SENP5: variants seen among roughly 807,000 people sequenced by gnomAD.
SENP5 encodes the protein sentrin-specific protease 5.
Under a neutral mutation model 74.2 loss-of-function variants are expected in SENP5, and 21 were observed. The ratio of observed to expected loss-of-function variants is 0.28; its 90% CI spans 0.20 to 0.41. The LOEUF is 0.41. SENP5 is among the 10% of genes least tolerant of loss of function. The pLI is 1.00. For synonymous variants in SENP5, 311 were observed against 312.7 expected (o/e 0.99, Z 0.06); for missense variants, 717 against 889.1 (o/e 0.81, Z 2.46).
At chr3:196,913,705 AG>A (rs1344504170) in intron 6 of SENP5, among the ~76,000 whole-genome samples, 1 of 122,908 alleles carries the variant, frequency 8.1e-6, no homozygotes, top group Non-Finnish European at 1.6e-5. Flanking sequence ...GCTGGAGTGC[AG>A]TGGCACAATC....
chr3:196,921,522 A>T (rs866850240), intron 6 of SENP5, among the ~76,000 whole-genome samples: 79 of 152,206 alleles, frequency 5.2e-4, no homozygotes, highest in African/African-American at 1.4e-3. Context: ...TCTGTTTTAC[A>T]ATGTAGAAAA....
chr3:196,884,440 C>T (rs757350441), intron 1 of SENP5, among the ~76,000 whole-genome samples: 2 of 152,138 alleles, frequency 1.3e-5, no homozygotes, highest in Non-Finnish European at 2.9e-5. Context: ...CTAATATTAG[C>T]GAAGGCTCTT....
At position 196,932,141 on chromosome 3, in the gene SENP5, T is replaced by C. The variant is rs575237491; in HGVS notation, c.*1218T>C. ...CCCTTGTCCATACACTTAGCTGCAT[T>C]AGGATGAATATCACGCGTCTCACAT... On this transcript the variant is annotated 3_prime_UTR_variant, in exon 10 of 10. Transcript: ENST00000323460. 1.4e-4 allele frequency: 28 copies of C among 200,968 alleles called. No homozygotes were observed. Among genetic ancestry groups the C allele is most frequent in the African/African-American group, 5.9e-4 (25 of 42,064 alleles). The allele number at this position is 200,968 out of a possible 1,614,324, so 12.4% of individuals were successfully genotyped here. A position where few individuals can be genotyped will look rare whatever the true frequency, so the allele number is the denominator to read the frequency against.
chr3:196,888,861 T>C (rs1213845197), intron 2 of SENP5, among the ~76,000 whole-genome samples: 3 of 151,668 alleles, frequency 2.0e-5, no homozygotes, highest in Non-Finnish European at 2.9e-5. Flanking sequence ...TCATGCCTGT[T>C]ATCCCAGCAC....
At chr3:196,914,600 T>A (rs543736162) in intron 6 of SENP5, 36 of 105,434 alleles carry the variant, frequency 3.4e-4, no homozygotes, top group South Asian at 1.1e-3. Context: ...TATATATATA[T>A]ATATATATAT....
intron 6 of SENP5, chr3:196,914,564 TAAAAAAAAAAA>T (rs34724979): frequency 2.7e-4 from 7 of 26,340 alleles, no homozygotes; most frequent in African/African-American, 1.0e-3. Flanking sequence ...AGGTTTGCTT[TAAAAAAAAAAA>T]AAAAAAAAAA....
chr3:196,926,514 C>T (rs1715819134), intron 7 of SENP5, among the ~76,000 whole-genome samples: 1 of 151,296 alleles, frequency 6.6e-6, no homozygotes, highest in Admixed American at 6.6e-5. Context: ...ATATATACTG[C>T]TTATTCTGAG....
chr3:196,868,343 G>C (rs1282663178), intron 1 of SENP5, among the ~76,000 whole-genome samples: 1 of 152,236 alleles, frequency 6.6e-6, no homozygotes, highest in African/African-American at 2.4e-5. Flanking sequence ...GCGCCCCCCA[G>C]CTCCTCCTGA....
intron 1 of SENP5, among the ~76,000 whole-genome samples, chr3:196,884,502 A>G (rs150780249): frequency 5.8e-4 from 89 of 152,310 alleles, no homozygotes; most frequent in African/African-American, 2.0e-3. Context: ...AAGAAAGACT[A>G]TGAAACAGAA....
intron 3 of SENP5, 45 bp downstream of exon 3, chr3:196,899,816 T>G (rs1343334486): frequency 1.3e-6 from 2 of 1,554,104 alleles, no homozygotes; most frequent in Non-Finnish European, 1.8e-6. Flanking sequence ...ATAAAATTTT[T>G]GGCATATATG....
chr3:196,910,712 A>T (rs2108848057), intron 6 of SENP5, among the ~76,000 whole-genome samples: 1 of 152,240 alleles, frequency 6.6e-6, no homozygotes, highest in South Asian at 2.1e-4. Flanking sequence ...TCACAGAATT[A>T]GAAAAAACTA....
intron 1 of SENP5, among the ~76,000 whole-genome samples, chr3:196,872,559 C>T (rs1713263196): frequency 6.6e-6 from 1 of 152,084 alleles, no homozygotes; most frequent in Non-Finnish European, 1.5e-5. Context: ...TCAACTGGAC[C>T]AGTTGAAAAG....
At chr3:196,868,508 G>A (rs1713039409) in intron 1 of SENP5, among the ~76,000 whole-genome samples, 1 of 152,236 alleles carries the variant, frequency 6.6e-6, no homozygotes, top group Non-Finnish European at 1.5e-5. Context: ...CAGAGAGCCC[G>A]GTTGGGCATG....
At chr3:196,889,921 C>A (rs905159490) in intron 2 of SENP5, among the ~76,000 whole-genome samples, 2 of 152,168 alleles carry the variant, frequency 1.3e-5, no homozygotes, top group Non-Finnish European at 2.9e-5. Context: ...GAATCTCTCC[C>A]TGCCTGTGCC....
At chr3:196,918,229 C>T (rs1307726480) in intron 6 of SENP5, among the ~76,000 whole-genome samples, 6 of 151,540 alleles carry the variant, frequency 4.0e-5, no homozygotes, top group East Asian at 1.9e-4. Context: ...ATGGCGTGAA[C>T]CTGGGAGGCG....
At position 196,886,163 on chromosome 3, in the gene SENP5, A is replaced by G. The variant is rs1054485211; in HGVS notation, c.982A>G (p.Thr328Ala). The G allele has an allele frequency of 6.2e-7, 1 of 1,614,240 alleles. No homozygotes were observed. The stretch of plus-strand genomic sequence containing the variant: ...GAACTCTCATGTGCCTGATTGCCAC[A>G]CTAAAGGAAGCTCTTTCTTGGGCAA... Reference protein sequence around the residue: ...GTNSHVPDCHTKGSSFLGKEL... With the variant: ...GTNSHVPDCHAKGSSFLGKEL... Residue 328 changes from threonine (T) to alanine (A), a missense_variant, in exon 2 of 10, where the codon ACT (threonine) becomes GCT (alanine). Physicochemically the swap from Thr to Ala is moderately conservative, Grantham distance 58 (BLOSUM62 0). Around this residue, in one of 4 missense-constraint regions of SENP5, gnomAD observed 567 missense variants for 577.4 expected, o/e 0.98. Coordinates refer to ENST00000323460, the MANE Select transcript of SENP5 (RefSeq NM_152699.5).
chr3:196,903,580 A>T lies in SENP5; in HGVS notation c.1854A>T (p.Gly618=). 2 of 1,606,416 alleles carry T rather than the reference A, an allele frequency of 1.2e-6. No individual in the cohort carries two copies. Among genetic ancestry groups the T allele is most frequent in the East Asian group, 4.5e-5 (2 of 44,834 alleles). Residue 618 remains glycine, a synonymous_variant, in exon 6 of 10, where the codon GGA becomes GGT. Transcript: ENST00000323460. The part of the protein sequence containing the change: ...SFFHRQLVTK[G]YNGVKRWTKK... Reference sequence around the variant, plus strand: ...TTCATAGACAGCTGGTAACCAAAGGATATAATGGAGTAAAAAGATGGACTA... The same window carrying T: ...TTCATAGACAGCTGGTAACCAAAGGTTATAATGGAGTAAAAAGATGGACTA...
chr3:196,883,967 C>T (rs1480701371), intron 1 of SENP5, among the ~76,000 whole-genome samples: 2 of 152,196 alleles, frequency 1.3e-5, no homozygotes, highest in Non-Finnish European at 2.9e-5. Context: ...GCTGGGATTA[C>T]AGGCATGGGC....
At chr3:196,879,604 T>G (rs2108810497) in intron 1 of SENP5, among the ~76,000 whole-genome samples, 1 of 152,344 alleles carries the variant, frequency 6.6e-6, no homozygotes, top group Admixed American at 6.5e-5. Context: ...TCTTTAGTAT[T>G]CTTTTTGCCT....
Sources: allele counts gnomAD v4.1 joint callset (sites outside exome capture counted in the v4.1 genomes callset), GRCh38; gene constraint gnomAD v4.1.1; regional missense constraint gnomAD v4.1.1; transcripts MANE v1.5; gene names NCBI Gene and HGNC (gene_info 2026-07-23, HGNC 2026-07-21).